Variants in ADAMTS17 observed in about 807,000 individuals in gnomAD.
ADAMTS17 encodes A disintegrin and metalloproteinase with thrombospondin motifs 17.
ADAMTS17 carries 113 observed loss-of-function variants against 141.5 expected under a neutral mutation model. That is an observed-to-expected ratio of 0.80 (90% confidence interval 0.69 to 0.93). The LOEUF is 0.93. ADAMTS17 is among the 40% of genes least tolerant of loss of function. ADAMTS17 has a pLI of 0.00. For synonymous variants in ADAMTS17, 768 were observed against 630.6 expected (o/e 1.22, Z -3.27); for missense variants, 1,659 against 1,517.9 (o/e 1.09, Z -1.54).
At chr15:100,247,737 C>T (rs140870158) in intron 7 of ADAMTS17, among the ~76,000 whole-genome samples, 7 of 152,260 alleles carry the variant, frequency 4.6e-5, no homozygotes, top group South Asian at 2.1e-4. Context: ...CACACAACAC[C>T]GTCCATTACC....
chr15:100,055,483 G>A (rs920987799), intron 15 of ADAMTS17, among the ~76,000 whole-genome samples: 3 of 152,136 alleles, frequency 2.0e-5, no homozygotes, highest in Non-Finnish European at 2.9e-5. Flanking sequence ...AGGGCTTCTC[G>A]TGTTAGAGGG....
chr15:100,240,031 G>A (rs113051632), intron 7 of ADAMTS17, among the ~76,000 whole-genome samples: 40 of 152,290 alleles, frequency 2.6e-4, no homozygotes, highest in African/African-American at 8.7e-4. Context: ...CAACAATCCA[G>A]GCTGTGCGGC....
At chr15:100,132,946 GT>G (rs2038129152) in intron 11 of ADAMTS17, among the ~76,000 whole-genome samples, 1 of 152,222 alleles carries the variant, frequency 6.6e-6, no homozygotes, top group Non-Finnish European at 1.5e-5. Flanking sequence ...TGGTGAAAGT[GT>G]TCCTTTTAAG....
intron 12 of ADAMTS17, 127 bp downstream of exon 12, chr15:100,131,880 G>A (rs987822411): frequency 3.6e-5 from 52 of 1,440,242 alleles, no homozygotes; most frequent in Non-Finnish European, 4.6e-5. Flanking sequence ...GACCTTGGCT[G>A]GGTTTCATTT....
At chr15:99,977,401 A>ATATATATATATATT (rs2060384375) in intron 20 of ADAMTS17, among the ~76,000 whole-genome samples, 1 of 5,154 alleles carries the variant, frequency 1.9e-4, no homozygotes, top group African/African-American at 6.2e-4. Context: ...TATATATATA[A>ATATATATATATATT]TTTTTTTTTT....
chr15:100,164,703 A>T (rs1166401280), intron 8 of ADAMTS17, among the ~76,000 whole-genome samples: 1 of 152,136 alleles, frequency 6.6e-6, no homozygotes, highest in Admixed American at 6.5e-5. Flanking sequence ...CGGGGAAAGG[A>T]AAAGTTCCCA....
chr15:100,046,328 G>C (rs967178348), intron 18 of ADAMTS17, among the ~76,000 whole-genome samples: 3 of 152,204 alleles, frequency 2.0e-5, no homozygotes, highest in African/African-American at 7.2e-5. Context: ...GAGTTCCACA[G>C]AGAAGCCAGG....
chr15:100,225,543 T>TCACGGTCTCTGTGCCATTCAGTCCTCAC (rs1567386764), intron 7 of ADAMTS17, among the ~76,000 whole-genome samples: 1 of 116,634 alleles, frequency 8.6e-6, no homozygotes, highest in African/African-American at 3.1e-5. Flanking sequence ...GCAGTCCTTA[T>TCACGGTCTCTGTGCCATTCAGTCCTCAC]AGCAGTCACG....
chr15:100,201,673 A>T (rs1421990733), intron 7 of ADAMTS17, among the ~76,000 whole-genome samples: 2 of 152,244 alleles, frequency 1.3e-5, no homozygotes, highest in Non-Finnish European at 2.9e-5. Flanking sequence ...TTAGTTAAAA[A>T]TAAATAAAGA....
intron 15 of ADAMTS17, among the ~76,000 whole-genome samples, chr15:100,088,125 G>A (rs1362318529): frequency 6.6e-6 from 1 of 152,158 alleles, no homozygotes; most frequent in Non-Finnish European, 1.5e-5. Flanking sequence ...TGAGCTGATA[G>A]GCAACTTCCG....
At chr15:99,991,115 A>C (rs574976477) in intron 20 of ADAMTS17, among the ~76,000 whole-genome samples, 1 of 152,364 alleles carries the variant, frequency 6.6e-6, no homozygotes, top group South Asian at 2.1e-4. Flanking sequence ...GCATGGTCAA[A>C]GACTTTGTGA....
At chr15:100,085,963 A>G (rs991569273) in intron 15 of ADAMTS17, among the ~76,000 whole-genome samples, 1 of 151,660 alleles carries the variant, frequency 6.6e-6, no homozygotes, top group Non-Finnish European at 1.5e-5. Context: ...ACCAGCTAAT[A>G]TCATAATGAC....
chr15:100,261,713 G>A (rs1045861422), intron 5 of ADAMTS17, 77 bp from the exon 6 acceptor site: 36 of 1,508,788 alleles, frequency 2.4e-5, no homozygotes, highest in East Asian at 4.8e-5. Context: ...TGACAAGGAC[G>A]TTAAGGTGGA....
At chr15:100,111,454 C>T (rs904108378) in intron 13 of ADAMTS17, among the ~76,000 whole-genome samples, 63 of 152,184 alleles carry the variant, frequency 4.1e-4, no homozygotes, top group African/African-American at 1.4e-3. Flanking sequence ...GAGATTAGCT[C>T]GAGGGAGCTT....
chr15:100,277,123 G>A (rs1255824123), intron 4 of ADAMTS17, among the ~76,000 whole-genome samples: 1 of 152,146 alleles, frequency 6.6e-6, no homozygotes, highest in East Asian at 1.9e-4. Context: ...AGGGCTCAGA[G>A]TCATCGCACC....
At chr15:100,288,961 A>G (rs933199490) in intron 3 of ADAMTS17, among the ~76,000 whole-genome samples, 5 of 152,194 alleles carry the variant, frequency 3.3e-5, no homozygotes, top group Non-Finnish European at 7.3e-5. Flanking sequence ...ACAAGAGTAA[A>G]CCAACCTCAA....
intron 8 of ADAMTS17, among the ~76,000 whole-genome samples, chr15:100,187,593 C>T (rs188560586): frequency 1.3e-5 from 2 of 152,302 alleles, no homozygotes; most frequent in East Asian, 1.9e-4. Context: ...AGCATTTGAA[C>T]GTTGCTCTGG....
intron 15 of ADAMTS17, among the ~76,000 whole-genome samples, chr15:100,085,972 A>T (rs1335411154): frequency 2.0e-5 from 3 of 151,478 alleles, no homozygotes; most frequent in African/African-American, 7.3e-5. Flanking sequence ...TATCATAATG[A>T]CAGGATCAAA....
At chr15:100,289,626 T>C (rs1260315209) in intron 3 of ADAMTS17, among the ~76,000 whole-genome samples, 1 of 151,988 alleles carries the variant, frequency 6.6e-6, no homozygotes, top group Non-Finnish European at 1.5e-5. Context: ...AACAAAATAC[T>C]AGCAAACTGA....
Sources: gnomAD v4.1 joint callset for allele counts (sites outside exome capture counted in the v4.1 genomes callset) on GRCh38, gnomAD v4.1.1 for gene constraint, MANE v1.5 for transcripts, NCBI Gene and HGNC (gene_info 2026-07-23, HGNC 2026-07-21) for gene names.